TRAT1: variants seen among roughly 807,000 people sequenced by gnomAD.
TRAT1 encodes T cell receptor associated transmembrane adaptor 1, also known as T-cell receptor-associated transmembrane adapter 1.
A neutral mutation model predicts 20.0 loss-of-function variants in TRAT1; 20 were observed. The ratio of observed to expected loss-of-function variants is 1.00; its 90% CI spans 0.70 to 1.45. The LOEUF (loss-of-function observed/expected upper bound fraction) is 1.45, where lower values mean the gene tolerates loss of function less well. Among genes scored for constraint, TRAT1 ranks in the 40% most tolerant of loss-of-function variants. TRAT1 has a pLI of 0.00. For missense variants in TRAT1, 237 were observed against 224.1 expected, an observed-to-expected ratio of 1.06 and a Z score of -0.37; for synonymous variants, 77 against 74.2, an observed-to-expected ratio of 1.04 and a Z score of -0.20.
intron 2 of TRAT1, 106 bp downstream of exon 2, chr3:108,830,886 G>T (rs1945786543): frequency 5.6e-6 from 4 of 719,606 alleles, no homozygotes; most frequent in Non-Finnish European, 9.6e-6. Context: ...CATTCAACAG[G>T]ATATTTTTAT....
chr3:108,835,976 G>A (rs541240716), intron 2 of TRAT1, among the ~76,000 whole-genome samples: 12 of 152,046 alleles, frequency 7.9e-5, no homozygotes, highest in Non-Finnish European at 1.2e-4. Context: ...CTGGAGTGCA[G>A]TGGCACGATC....
At chr3:108,847,630 T>C (rs1269743361) in intron 4 of TRAT1, among the ~76,000 whole-genome samples, 1 of 152,206 alleles carries the variant, frequency 6.6e-6, no homozygotes, top group African/African-American at 2.4e-5. Context: ...TTTATATATT[T>C]ATTTTGTTCT....
At chr3:108,823,649 T>C (rs1212501353) in intron 1 of TRAT1, among the ~76,000 whole-genome samples, 2 of 152,202 alleles carry the variant, frequency 1.3e-5, no homozygotes, top group African/African-American at 2.4e-5. Context: ...CAAAATATGT[T>C]TTATTTCCTT....
chr3:108,834,476 A>G (rs182429201), intron 2 of TRAT1, among the ~76,000 whole-genome samples: 67 of 152,360 alleles, frequency 4.4e-4, no homozygotes, highest in Non-Finnish European at 7.9e-4. Flanking sequence ...GATTTCAAAT[A>G]TATTTCAGAA....
chr3:108,828,100 A>T (rs2593827), intron 1 of TRAT1, among the ~76,000 whole-genome samples: 4,183 of 152,244 alleles, frequency 0.027, 188 homozygotes, highest in African/African-American at 0.093. Context: ...AGTGTAATTT[A>T]AAAAATAAGA....
intron 2 of TRAT1, among the ~76,000 whole-genome samples, chr3:108,833,895 C>T (rs1274426474): frequency 1.3e-5 from 2 of 152,002 alleles, no homozygotes; most frequent in African/African-American, 4.8e-5. Flanking sequence ...CATCACCATA[C>T]CTAGTGGCCG....
chr3:108,841,492 T>G (rs1945896224), intron 3 of TRAT1, among the ~76,000 whole-genome samples: 1 of 151,994 alleles, frequency 6.6e-6, no homozygotes, highest in Non-Finnish European at 1.5e-5. Context: ...GAAAATAAGG[T>G]CTATGTTTCT....
At chr3:108,837,743 A>G (rs991048380) in intron 2 of TRAT1, among the ~76,000 whole-genome samples, 2 of 152,194 alleles carry the variant, frequency 1.3e-5, no homozygotes, top group African/African-American at 4.8e-5. Flanking sequence ...TAAGCCATTC[A>G]AATATAATAA....
intron 2 of TRAT1, among the ~76,000 whole-genome samples, chr3:108,833,525 G>A (rs2715724): frequency 0.037 from 5,650 of 152,170 alleles, 341 homozygotes; most frequent in African/African-American, 0.13. Flanking sequence ...GCCATAAGCA[G>A]CTCTATTACC....
intron 5 of TRAT1, 79 bp downstream of exon 5, chr3:108,849,333 G>C: frequency 8.1e-7 from 1 of 1,229,376 alleles, no homozygotes. Flanking sequence ...ATCTGAAATA[G>C]CCTGTTAGAA....
intron 5 of TRAT1, among the ~76,000 whole-genome samples, chr3:108,852,084 A>G (rs1344961123): frequency 1.3e-5 from 2 of 152,038 alleles, no homozygotes; most frequent in East Asian, 1.9e-4. Context: ...AACAACAACA[A>G]CAACAAAACC....
At chr3:108,833,540 A>C (rs1456350267) in intron 2 of TRAT1, among the ~76,000 whole-genome samples, 1 of 152,228 alleles carries the variant, frequency 6.6e-6, no homozygotes, top group Non-Finnish European at 1.5e-5. Context: ...ATTACCTAAA[A>C]GTAGTGTAAT....
intron 3 of TRAT1, among the ~76,000 whole-genome samples, chr3:108,845,093 AATC>A (rs1228548956): frequency 6.6e-6 from 1 of 152,196 alleles, no homozygotes; most frequent in Non-Finnish European, 1.5e-5. Flanking sequence ...AAAAGTAATT[AATC>A]ATCCACATAA....
In TRAT1 at chr3:108,844,681, A is replaced by G. The variant is rs1347904822; in HGVS notation, c.153-2387A>G. On this transcript the variant is annotated intron_variant, in intron 3 of 5. Coordinates refer to ENST00000295756, the MANE Select transcript of TRAT1 (RefSeq NM_016388.4). Reference sequence around the variant, plus strand: ...AACACGGTGAAACCCCGTCTCTACTAAAAATACAAAAAATTAGCTGGGTGT... The same window carrying G: ...AACACGGTGAAACCCCGTCTCTACTGAAAATACAAAAAATTAGCTGGGTGT... 2.0e-5 allele frequency among the ~76,000 whole-genome samples: 3 copies of G among 151,364 alleles called. No homozygotes were observed. The East Asian group carries it at 5.8e-4, about 29-fold the overall frequency.
At chr3:108,837,494 A>G (rs1252982977) in intron 2 of TRAT1, among the ~76,000 whole-genome samples, 2 of 152,208 alleles carry the variant, frequency 1.3e-5, no homozygotes, top group Non-Finnish European at 2.9e-5. Flanking sequence ...ACTTTGTTAC[A>G]CATAAATTTA....
At chr3:108,849,484 T>C (rs1171364552) in intron 5 of TRAT1, among the ~76,000 whole-genome samples, 13 of 152,168 alleles carry the variant, frequency 8.5e-5, no homozygotes, top group Admixed American at 8.5e-4. Flanking sequence ...AATAGGATTA[T>C]TCCTAAGTAA....
intron 1 of TRAT1, among the ~76,000 whole-genome samples, chr3:108,824,963 G>C (rs1234377755): frequency 6.6e-6 from 1 of 152,130 alleles, no homozygotes; most frequent in East Asian, 1.9e-4. Flanking sequence ...TTGTAGTTCA[G>C]ACTTCCCCTT....
chr3:108,853,613 C>A lies in TRAT1; in HGVS notation c.304-7C>A, dbSNP rs1946017076. ...AACAATGAAAAATTAACATCCCTTT[C>A]TTTTAGGCAACCAATGAAACACAGA... On this transcript the variant is annotated splice_polypyrimidine_tract_variant and splice_region_variant and intron_variant, in intron 5 of 5. Coordinates refer to ENST00000295756, the MANE Select transcript of TRAT1 (RefSeq NM_016388.4). The A allele has an allele frequency of 1.2e-6, 2 of 1,610,106 alleles. No individual in the cohort carries two copies. The highest frequency in any genetic ancestry group is 2.2e-5 in the East Asian group (1 of 44,826).
intron 2 of TRAT1, among the ~76,000 whole-genome samples, chr3:108,834,091 A>C (rs1425029181): frequency 2.6e-5 from 4 of 152,122 alleles, no homozygotes; most frequent in Non-Finnish European, 5.9e-5. Context: ...TCATCTCTAT[A>C]TTATTTAACA....
Sources: gnomAD v4.1 joint callset for allele counts (sites outside exome capture counted in the v4.1 genomes callset) on GRCh38, gnomAD v4.1.1 for gene constraint, MANE v1.5 for transcripts, NCBI Gene and HGNC (gene_info 2026-07-23, HGNC 2026-07-21) for gene names.